ZNF451: variants seen among roughly 807,000 people sequenced by gnomAD.
ZNF451 encodes E3 SUMO-protein ligase ZNF451.
In ZNF451, 80 loss-of-function variants were observed where a neutral mutation model predicts 107.1. The ratio of observed to expected loss-of-function variants is 0.75; its 90% CI spans 0.62 to 0.90. The LOEUF is 0.90. Ranked by LOEUF, ZNF451 falls within the 40% of genes least tolerant of loss-of-function variation. The pLI is 0.00. For missense variants in ZNF451, 1,107 were observed against 1,236.2 expected (o/e 0.90, Z 1.57); for synonymous variants, 362 against 406.5 (o/e 0.89, Z 1.32).
chr6:57,160,912 ATT>A, intron 13 of ZNF451, 170 bp from the exon 14 acceptor site: 1 of 433,706 alleles, frequency 2.3e-6, no homozygotes, highest in South Asian at 7.9e-5. Context: ...TAATGTCACC[ATT>A]TTTAATATTA....
chr6:57,104,484 C>G, intron 3 of ZNF451: 1 of 985,214 alleles, frequency 1.0e-6, no homozygotes, highest in Non-Finnish European at 1.2e-6. Context: ...TTGAAATACT[C>G]TTATTTCAAA....
intron 9 of ZNF451, among the ~76,000 whole-genome samples, chr6:57,146,515 A>C (rs1389411549): frequency 6.6e-6 from 1 of 152,124 alleles, no homozygotes; most frequent in Non-Finnish European, 1.5e-5. Context: ...CCATTTATTA[A>C]ATAGGGTGTC....
intron 6 of ZNF451, among the ~76,000 whole-genome samples, chr6:57,133,667 G>T (rs987320178): frequency 1.3e-5 from 2 of 152,068 alleles, no homozygotes; most frequent in Non-Finnish European, 1.5e-5. Flanking sequence ...ACTGAGTTTG[G>T]TGGTTTTTGT....
intron 6 of ZNF451, among the ~76,000 whole-genome samples, chr6:57,133,450 C>CA (rs1831278465): frequency 6.6e-6 from 1 of 152,092 alleles, no homozygotes; most frequent in African/African-American, 2.4e-5. Context: ...AAGTTCTAAA[C>CA]AGACTTTCTC....
intron 5 of ZNF451, among the ~76,000 whole-genome samples, chr6:57,132,092 A>C (rs1324166324): frequency 3.3e-5 from 5 of 152,168 alleles, no homozygotes; most frequent in Non-Finnish European, 1.5e-5. Flanking sequence ...ACTGTTTCCT[A>C]ATTGGCTTTT....
At chr6:57,102,880 G>A (rs888444776) in intron 3 of ZNF451, 1 of 985,298 alleles carries the variant, frequency 1.0e-6, no homozygotes, top group Admixed American at 6.1e-5. Context: ...AAAGCTACAT[G>A]TGAGAGAATT....
In ZNF451 at chr6:57,169,059, T is replaced by C. The variant is rs1764024512; in HGVS notation, c.*590T>C. On this transcript the variant is annotated 3_prime_UTR_variant, in exon 15 of 15. Coordinates refer to ENST00000370706, the MANE Select transcript of ZNF451 (RefSeq NM_001031623.3). ...TGCATATGTAAATTATTGCTTTAATTAGAGCAGCACATTGCTAAAATAAAA... is the reference window on the plus strand; with the variant it reads ...TGCATATGTAAATTATTGCTTTAATCAGAGCAGCACATTGCTAAAATAAAA... The C allele has an allele frequency of 6.6e-6, 1 of 152,202 alleles. No homozygotes were observed. The highest frequency in any genetic ancestry group is 1.5e-5 in the Non-Finnish European group (1 of 68,002). The allele number at this position is 152,202 out of a possible 1,614,324, so 9.4% of individuals were successfully genotyped here.
chr6:57,152,099 C>A, intron 11 of ZNF451, 122 bp from the exon 12 acceptor site: 1 of 799,440 alleles, frequency 1.3e-6, no homozygotes, highest in Non-Finnish European at 1.9e-6. Flanking sequence ...AGTTCTTCCA[C>A]ATTCTGATCT....
intron 13 of ZNF451, among the ~76,000 whole-genome samples, chr6:57,155,551 T>C (rs1406033373): frequency 6.6e-6 from 1 of 152,184 alleles, no homozygotes; most frequent in African/African-American, 2.4e-5. Flanking sequence ...CAACATCTAC[T>C]TAATATCCTA....
In ZNF451 at chr6:57,168,463, A is replaced by G. The variant is rs1365452763; in HGVS notation, c.3180A>G (p.Glu1060=). ...AAGCTATTAGAAGAAGTCTTGAGGAAATGTAATTAAAGATATTACCACACA... is the reference window on the plus strand; with the variant it reads ...AAGCTATTAGAAGAAGTCTTGAGGAGATGTAATTAAAGATATTACCACACA... ...LEEAIRRSLE[E]M The change falls in exon 15 of 15, where the codon GAA becomes GAG. Residue 1060 remains glutamate (E), a synonymous_variant. Coordinates refer to ENST00000370706, the MANE Select transcript of ZNF451 (RefSeq NM_001031623.3). 6.2e-7 allele frequency: 1 copy of G among 1,606,330 alleles called. No individual in the cohort carries two copies. Among genetic ancestry groups the G allele is most frequent in the Non-Finnish European group, 8.5e-7 (1 of 1,175,536 alleles).
chr6:57,147,756 C>T lies in ZNF451; in HGVS notation c.1671C>T (p.His557=), dbSNP rs1162629689. The change falls in exon 10 of 15, where the codon CAC becomes CAT. Residue 557 remains histidine (H), a synonymous_variant. Coordinates refer to ENST00000370706, the MANE Select transcript of ZNF451 (RefSeq NM_001031623.3). The stretch of plus-strand genomic sequence containing the variant: ...ATGTGACTGAATTTCATAATGGACA[C>T]AGATATTTTTATGAGATGGATGAGG... The part of the protein sequence containing the change: ...MAHVTEFHNG[H]RYFYEMDEVE... 1.9e-6 allele frequency: 3 copies of T among 1,613,686 alleles called. No homozygotes were observed. The highest frequency in any genetic ancestry group is 4.5e-5 in the East Asian group (2 of 44,892).
chr6:57,134,128 C>T (rs920697555), intron 6 of ZNF451: 1 of 152,338 alleles, frequency 6.6e-6, no homozygotes, highest in African/African-American at 2.4e-5. Context: ...CCATATGTCT[C>T]ACCCTACTTA....
chr6:57,103,339 T>C (rs1829694845), intron 3 of ZNF451: 1 of 985,332 alleles, frequency 1.0e-6, no homozygotes, highest in African/African-American at 1.7e-5. Flanking sequence ...AAGGCTGAAA[T>C]CAAGATTTAA....
intron 12 of ZNF451, among the ~76,000 whole-genome samples, chr6:57,153,066 G>T (rs1463587738): frequency 6.6e-6 from 1 of 151,924 alleles, no homozygotes; most frequent in Non-Finnish European, 1.5e-5. Context: ...TTCTGCTTGG[G>T]GACTTACATG....
intron 10 of ZNF451, 159 bp from the exon 11 acceptor site, chr6:57,150,560 A>G (rs1430714188): frequency 3.2e-6 from 2 of 619,872 alleles, no homozygotes; most frequent in Non-Finnish European, 5.2e-6. Flanking sequence ...AAATGGTGTC[A>G]TGTACAGATT....
chr6:57,103,816 A>G (rs1407751280), intron 3 of ZNF451: 1 of 985,210 alleles, frequency 1.0e-6, no homozygotes, highest in South Asian at 4.7e-5. Flanking sequence ...CTCTGGTGCC[A>G]CACTTTTTAA....
At chr6:57,136,941 G>C (rs564863827) in intron 7 of ZNF451, among the ~76,000 whole-genome samples, 6 of 152,258 alleles carry the variant, frequency 3.9e-5, no homozygotes, top group Admixed American at 2.6e-4. Context: ...AAGGGCAAAG[G>C]CTTTGGTATC....
chr6:57,109,303 A>ATT (rs34845247), intron 3 of ZNF451: 76 of 781,850 alleles, frequency 9.7e-5, no homozygotes, highest in African/African-American at 2.1e-4. Context: ...ATATACACAC[A>ATT]TTTTTTTTTT....
chr6:57,143,032 T>A (rs1178912158), intron 9 of ZNF451, among the ~76,000 whole-genome samples: 1 of 152,166 alleles, frequency 6.6e-6, no homozygotes, highest in Admixed American at 6.5e-5. Flanking sequence ...TTGTTTGCCT[T>A]CTTAATAGTG....
Sources: gnomAD v4.1 joint callset for allele counts (sites outside exome capture counted in the v4.1 genomes callset) on GRCh38, gnomAD v4.1.1 for gene constraint, MANE v1.5 for transcripts, NCBI Gene and HGNC (gene_info 2026-07-23, HGNC 2026-07-21) for gene names.